IFI16: variants seen among roughly 807,000 people sequenced by gnomAD.
IFI16 encodes the protein interferon gamma inducible protein 16.
In IFI16, 49 loss-of-function variants were observed where a neutral mutation model predicts 68.4. The ratio of observed to expected loss-of-function variants is 0.72; its 90% CI spans 0.57 to 0.91. The LOEUF (loss-of-function observed/expected upper bound fraction) is 0.91, where lower values mean the gene tolerates loss of function less well. Among genes scored for constraint, IFI16 ranks in the 40% least tolerant of loss-of-function variants. IFI16 has a pLI of 0.00. For synonymous variants in IFI16, 307 were observed against 315.0 expected, an observed-to-expected ratio of 0.97 and a Z score of 0.27; for missense variants, 878 against 942.9, an observed-to-expected ratio of 0.93 and a Z score of 0.90.
intron 1 of IFI16, 134 bp from the exon 2 acceptor site, chr1:159,014,527 T>C: frequency 3.7e-6 from 2 of 535,272 alleles, no homozygotes; most frequent in Non-Finnish European, 6.5e-6. Context: ...GTAACACATT[T>C]GGTCGTTGAG....
intron 9 of IFI16, 91 bp from the exon 10 acceptor site, chr1:159,051,588 A>C: frequency 1.0e-6 from 1 of 972,582 alleles, no homozygotes; most frequent in Non-Finnish European, 1.6e-6. Context: ...ATACTTGAGG[A>C]CCAACACTGA....
chr1:159,046,307 G>A (rs1438676396), intron 8 of IFI16, among the ~76,000 whole-genome samples: 2 of 151,164 alleles, frequency 1.3e-5, no homozygotes. Flanking sequence ...GCTATTGTAA[G>A]GTGATTTGAT....
chr1:159,033,751 A>G (rs1772411), intron 7 of IFI16, among the ~76,000 whole-genome samples: 150,348 of 152,318 alleles, frequency 0.99, 74,227 homozygotes, highest in East Asian at 1. Context: ...TTTATTAGTC[A>G]CGTAACAGTT....
intron 6 of IFI16, 167 bp from the exon 7 acceptor site, chr1:159,032,357 A>G: frequency 2.4e-6 from 1 of 421,018 alleles, no homozygotes; most frequent in Non-Finnish European, 4.1e-6. Context: ...ACATTTTAGC[A>G]AAAAAAATAT....
chr1:159,024,385 G>A (rs1411680840), intron 6 of IFI16, among the ~76,000 whole-genome samples: 1 of 152,230 alleles, frequency 6.6e-6, no homozygotes, highest in Non-Finnish European at 1.5e-5. Context: ...TCTAGAGTTA[G>A]TTAAGGTGGA....
intron 10 of IFI16, chr1:159,052,336 T>C (rs1655417461): frequency 3.9e-6 from 2 of 511,828 alleles, no homozygotes; most frequent in African/African-American, 1.9e-5. Flanking sequence ...ACTAGGAAAC[T>C]TGGCATTTTA....
intron 6 of IFI16, among the ~76,000 whole-genome samples, chr1:159,027,847 A>T (rs185529437): frequency 6.6e-6 from 1 of 152,096 alleles, no homozygotes; most frequent in South Asian, 2.1e-4. Context: ...GTGTGATATC[A>T]GTTGTAATAT....
chr1:159,053,127 A>AG, intron 10 of IFI16: 3 of 156,394 alleles, frequency 1.9e-5, no homozygotes, highest in Admixed American at 1.3e-4. Flanking sequence ...GAGGACGTGC[A>AG]ACATTCTTTC....
At chr1:159,006,098 T>A (rs1053169219), upstream of IFI16, 1 of 152,298 alleles carries the variant, frequency 6.6e-6, no homozygotes, top group African/African-American at 2.4e-5. Context: ...GGTCTGCCTC[T>A]TCTTTGGTCT....
chr1:159,047,195 G>C (rs545338384), intron 8 of IFI16, among the ~76,000 whole-genome samples: 1 of 151,234 alleles, frequency 6.6e-6, no homozygotes, highest in Non-Finnish European at 1.5e-5. Flanking sequence ...CCCAGGTTGC[G>C]GACCCGAGCA....
rs188771471 is a variant in IFI16, at chr1:159,018,602, A to G, written c.923A>G (p.His308Arg). The G allele has an allele frequency of 2.5e-6, 4 of 1,613,656 alleles. No individual in the cohort carries two copies. In the East Asian group the frequency reaches 8.9e-5, roughly 36 times the overall value. ...GAAACTCTGAAGATTGATATTCTTC[A>G]CAAACAAGCTTCAGGAAATATTGTA... Reference protein sequence around the residue: ...AKETLKIDILHKQASGNIVYG... With the variant: ...AKETLKIDILRKQASGNIVYG... The change falls in exon 5 of 12, where the codon CAC (histidine) becomes CGC (arginine). Residue 308 changes from histidine (H) to arginine (R), a missense_variant. By Grantham distance (29) the His-to-Arg change is conservative (BLOSUM62 0). Around this residue, in one of 4 missense-constraint regions of IFI16, gnomAD observed 443 missense variants for 421.8 expected, o/e 1.05. Transcript: ENST00000295809.
chr1:159,030,824 A>G (rs979081025), intron 6 of IFI16, among the ~76,000 whole-genome samples: 1 of 144,110 alleles, frequency 6.9e-6, no homozygotes, highest in Non-Finnish European at 1.5e-5. Flanking sequence ...GGGAGGATAC[A>G]AGCTTGCCCT....
rs188623504 is a variant in IFI16, at chr1:159,045,777, G to T, written c.1497+313G>T. ...AGGTAGAACAAGGTGGGAAAAAACA[G>T]AGCCAACCATAACACTATCACTGAT... On this transcript the variant is annotated intron_variant, in intron 8 of 11. Transcript: ENST00000295809. Among the ~76,000 whole-genome samples the T allele has an allele frequency of 1.3e-3, 200 of 151,192 alleles. 3 individuals are homozygous for T. Among genetic ancestry groups the T allele is most frequent in the African/African-American group, 4.6e-3 (192 of 41,326 alleles).
chr1:159,048,547 A>G (rs1476216710), intron 8 of IFI16, among the ~76,000 whole-genome samples: 1 of 151,440 alleles, frequency 6.6e-6, no homozygotes, highest in Non-Finnish European at 1.5e-5. Context: ...GTTTATTTCC[A>G]TAGTCCAGGT....
At chr1:159,014,003 TAAAAC>T (rs1165720495) in intron 1 of IFI16, among the ~76,000 whole-genome samples, 4 of 151,858 alleles carry the variant, frequency 2.6e-5, no homozygotes, top group African/African-American at 7.3e-5. Context: ...AGAAGAAAAA[TAAAAC>T]AACCAATAAA....
At chr1:159,032,365 T>A (rs856058) in intron 6 of IFI16, 159 bp from the exon 7 acceptor site, 306,204 of 416,354 alleles carry the variant, frequency 0.74, 115,623 homozygotes, top group Admixed American at 0.83. Flanking sequence ...GCAAAAAAAA[T>A]ATTCTGACAA....
chr1:159,054,695 G>T (rs960215275), intron 11 of IFI16, 126 bp from the exon 12 acceptor site: 2 of 553,330 alleles, frequency 3.6e-6, no homozygotes, highest in Non-Finnish European at 3.3e-6. Context: ...AGCGAGAAAA[G>T]AATCATTTAG....
intron 6 of IFI16, among the ~76,000 whole-genome samples, chr1:159,027,328 A>G (rs1473774754): frequency 6.6e-6 from 1 of 152,072 alleles, no homozygotes; most frequent in Non-Finnish European, 1.5e-5. Flanking sequence ...GGTATATCAC[A>G]TTTATTGACT....
At chr1:159,051,606 A>T (rs1190307782) in intron 9 of IFI16, 73 bp from the exon 10 acceptor site, 1 of 1,211,926 alleles carries the variant, frequency 8.3e-7, no homozygotes. Flanking sequence ...TGAGGCTGAG[A>T]TGACTCTCAC....
Sources: gnomAD v4.1 joint callset for allele counts (sites outside exome capture counted in the v4.1 genomes callset) on GRCh38, gnomAD v4.1.1 for gene constraint, gnomAD v4.1.1 regional missense constraint, MANE v1.5 for transcripts, NCBI Gene and HGNC (gene_info 2026-07-23, HGNC 2026-07-21) for gene names.